MYOM2: variants seen among roughly 807,000 people sequenced by gnomAD.
MYOM2 encodes the protein myomesin 2.
Under a neutral mutation model 187.6 loss-of-function variants are expected in MYOM2, and 254 were observed. The observed-to-expected ratio is 1.35, with a 90% CI of 1.22 to 1.50. The LOEUF (loss-of-function observed/expected upper bound fraction) is 1.50. MYOM2 is among the 40% of genes most tolerant of loss of function. The probability of loss-of-function intolerance (pLI) is 0.00; values close to 1 mark genes in which losing one functional copy is unlikely to be tolerated. For missense variants in MYOM2, 2,796 were observed against 1,924.0 expected, an observed-to-expected ratio of 1.45 and a Z score of -8.48; for synonymous variants, 981 against 753.8, an observed-to-expected ratio of 1.30 and a Z score of -4.94.
intron 18 of MYOM2, among the ~76,000 whole-genome samples, chr8:2,097,564 G>C (rs1446945556): frequency 6.6e-6 from 1 of 152,110 alleles, no homozygotes; most frequent in African/African-American, 2.4e-5. Flanking sequence ...ACCCAGGCTG[G>C]AGTGCAGTGG....
chr8:2,098,925 G>T lies in MYOM2; in HGVS notation c.2382G>T (p.Gly794=). 1 of 1,613,462 alleles carries T rather than the reference G, an allele frequency of 6.2e-7. No homozygotes were observed. Among genetic ancestry groups the T allele is most frequent in the Non-Finnish European group, 8.5e-7 (1 of 1,179,812 alleles). The part of the protein sequence containing the change: ...KIAAVNLAGI[G]EPSDPSEHFK... ...CCGCCGTCAACCTGGCCGGCATCGG[G>T]GAGCCCTCAGATCCCAGTGAGCACT... The change falls in exon 19 of 37, where the codon GGG becomes GGT. Residue 794 remains glycine, a synonymous_variant. Transcript: ENST00000262113.
chr8:2,085,207 C>A, intron 13 of MYOM2, 56 bp from the exon 14 acceptor site: 1 of 1,589,118 alleles, frequency 6.3e-7, no homozygotes, highest in Non-Finnish European at 8.6e-7. Flanking sequence ...CCGAGGTGGG[C>A]TGCAGCGAGG....
intron 1 of MYOM2, among the ~76,000 whole-genome samples, chr8:2,046,114 T>G (rs1818303812): frequency 6.6e-6 from 1 of 152,230 alleles, no homozygotes; most frequent in Admixed American, 6.5e-5. Context: ...CCCTTTCCCC[T>G]CTAGAAAGCT....
At position 2,116,243 on chromosome 8, in the gene MYOM2, A is replaced by C; in HGVS notation, c.3353A>C (p.Glu1118Ala). The part of the protein sequence containing the change: ...DAFKTVLEEA[E>A]FQRKEFLRKQ... ...TTCAAGACTGTGCTGGAAGAGGCTG[A>C]GTTTCAAAGGAAAGAATTTCTCAGG... is the stretch of plus-strand genomic sequence containing the variant. The change falls in exon 27 of 37, where the codon GAG becomes GCG. Residue 1118 changes from glutamate to alanine, a missense_variant. Glu to Ala is a moderately radical substitution (Grantham distance 107). Transcript: ENST00000262113. The C allele has an allele frequency of 6.2e-7, 1 of 1,612,874 alleles. No homozygotes were observed. Among genetic ancestry groups the C allele is most frequent in the Non-Finnish European group, 8.5e-7 (1 of 1,179,332 alleles).
chr8:2,105,003 C>G (rs1020068125), intron 21 of MYOM2, among the ~76,000 whole-genome samples: 28 of 152,106 alleles, frequency 1.8e-4, no homozygotes, highest in Non-Finnish European at 2.5e-4. Flanking sequence ...GTCTTGAACT[C>G]CTGAGCTCAA....
intron 31 of MYOM2, among the ~76,000 whole-genome samples, chr8:2,126,751 G>A (rs1056923698): frequency 4.2e-5 from 6 of 141,422 alleles, no homozygotes; most frequent in Non-Finnish European, 9.2e-5. Context: ...AGGACCACTG[G>A]GGGAGGATGG....
chr8:2,127,851 C>A (rs1264660262), intron 31 of MYOM2: 1 of 153,456 alleles, frequency 6.5e-6, no homozygotes, highest in Admixed American at 6.5e-5. Context: ...TCAACTCTGT[C>A]ACGGAGGGGG....
rs376737112 is a variant in MYOM2 at position 2,078,870 on chromosome 8, C to A, written c.1399C>A (p.Arg467=). 6.2e-7 allele frequency: 1 copy of A among 1,614,026 alleles called. No homozygotes were observed. Among genetic ancestry groups the A allele is most frequent in the Non-Finnish European group, 8.5e-7 (1 of 1,179,934 alleles). ...GGCAGTGAACAGTGCGGGCATCAGC[C>A]GACCCTCCAGGGTCTCTGATGCGGT... ...VRAVNSAGIS[R]PSRVSDAVAA... is the part of the protein sequence containing the mutation. The change falls in exon 12 of 37, where the codon CGA becomes AGA. Residue 467 remains arginine, a synonymous_variant. Coordinates refer to ENST00000262113, the MANE Select transcript of MYOM2 (RefSeq NM_003970.4).
chr8:2,143,302 C>G, intron 35 of MYOM2, 99 bp from the exon 36 acceptor site: 1 of 1,338,364 alleles, frequency 7.5e-7, no homozygotes, highest in South Asian at 1.2e-5. Flanking sequence ...ATAAACTCCT[C>G]ACCACATTCA....
chr8:2,085,525 G>GTCATGATC (rs1819815914), intron 14 of MYOM2, 135 bp downstream of exon 14: 1 of 547,586 alleles, frequency 1.8e-6, no homozygotes, highest in Non-Finnish European at 2.8e-6. Context: ...GCCCCCCACT[G>GTCATGATC]TTGTGATCTC....
chr8:2,112,982 G>C (rs933418462), intron 25 of MYOM2, among the ~76,000 whole-genome samples: 16 of 152,206 alleles, frequency 1.1e-4, no homozygotes, highest in African/African-American at 3.9e-4. Context: ...GTGGCCCCAA[G>C]AGCCTCCTTG....
At chr8:2,067,968 G>C (rs1444103717) in intron 6 of MYOM2, among the ~76,000 whole-genome samples, 1 of 152,120 alleles carries the variant, frequency 6.6e-6, no homozygotes, top group African/African-American at 2.4e-5. Flanking sequence ...TTGTCACTTA[G>C]AAGTTAATCG....
chr8:2,113,186 G>A (rs577882282), intron 25 of MYOM2, among the ~76,000 whole-genome samples: 2 of 152,342 alleles, frequency 1.3e-5, no homozygotes, highest in East Asian at 1.9e-4. Flanking sequence ...TGGCTGGGGC[G>A]AGTCCCGCGC....
In MYOM2 at chr8:2,098,919, C is replaced by G. The variant is rs1358383419; in HGVS notation, c.2376C>G (p.Gly792=). 6.2e-7 allele frequency: 1 copy of G among 1,613,392 alleles called. No individual in the cohort carries two copies. Among genetic ancestry groups the G allele is most frequent in the Non-Finnish European group, 8.5e-7 (1 of 1,179,786 alleles). ...AAATCGCCGCCGTCAACCTGGCCGG[C>G]ATCGGGGAGCCCTCAGATCCCAGTG... ...EFKIAAVNLA[G]IGEPSDPSEH... Residue 792 remains glycine (G), a synonymous_variant, in exon 19 of 37, where the codon GGC becomes GGG. Coordinates refer to ENST00000262113, the MANE Select transcript of MYOM2 (RefSeq NM_003970.4).
intron 13 of MYOM2, chr8:2,084,924 A>T (rs1350916982): frequency 7.1e-6 from 2 of 283,426 alleles, no homozygotes; most frequent in Admixed American, 4.8e-5. Flanking sequence ...CTCTGCACAG[A>T]TTCCCAACAC....
intron 8 of MYOM2, among the ~76,000 whole-genome samples, chr8:2,071,084 C>T (rs1819198254): frequency 6.6e-6 from 1 of 152,178 alleles, no homozygotes; most frequent in Non-Finnish European, 1.5e-5. Context: ...CCTTTTGCTT[C>T]AACCTCCCAA....
intron 21 of MYOM2, among the ~76,000 whole-genome samples, chr8:2,104,374 G>C (rs530290930): frequency 2.0e-5 from 3 of 152,148 alleles, no homozygotes; most frequent in South Asian, 4.1e-4. Context: ...AAGCCGAGGC[G>C]GGCGGATCAC....
intron 28 of MYOM2, among the ~76,000 whole-genome samples, chr8:2,120,681 TATATATAA>T (rs1563069098): frequency 5.1e-5 from 1 of 19,466 alleles, no homozygotes; most frequent in African/African-American, 1.6e-4. Flanking sequence ...TATATTATAT[TATATATAA>T]ATATATAATA....
At chr8:2,114,373 C>T (rs991996658) in intron 25 of MYOM2, among the ~76,000 whole-genome samples, 2 of 152,218 alleles carry the variant, frequency 1.3e-5, no homozygotes, top group Admixed American at 6.5e-5. Flanking sequence ...CAGTCTTTCT[C>T]CTATCTTAGC....
Sources: gnomAD v4.1 joint callset for allele counts (sites outside exome capture counted in the v4.1 genomes callset) on GRCh38, gnomAD v4.1.1 for gene constraint, MANE v1.5 for transcripts, NCBI Gene and HGNC (gene_info 2026-07-23, HGNC 2026-07-21) for gene names.